Variants in HS6ST3 observed in about 807,000 individuals in gnomAD.
HS6ST3 encodes the protein heparan-sulfate 6-O-sulfotransferase 3.
A neutral mutation model predicts 36.7 loss-of-function variants in HS6ST3; 12 were observed. That is an observed-to-expected ratio of 0.33 (90% CI 0.21 to 0.53). The LOEUF (loss-of-function observed/expected upper bound fraction) is 0.53, where lower values mean the gene tolerates loss of function less well. Ranked by LOEUF, HS6ST3 falls within the 20% of genes least tolerant of loss-of-function variation. The probability of loss-of-function intolerance (pLI) is 0.95; values close to 1 mark genes in which losing one functional copy is unlikely to be tolerated. For synonymous variants in HS6ST3, 240 were observed against 257.5 expected, an observed-to-expected ratio of 0.93 and a Z score of 0.65; for missense variants, 584 against 640.9, an observed-to-expected ratio of 0.91 and a Z score of 0.96.
intron 1 of HS6ST3, among the ~76,000 whole-genome samples, chr13:96,613,053 C>T (rs1273707084): frequency 1.3e-5 from 2 of 152,162 alleles, no homozygotes; most frequent in Non-Finnish European, 2.9e-5. Flanking sequence ...GTCCCTTTAT[C>T]AGAGAGACCA....
At chr13:96,492,383 G>A (rs996795571) in intron 1 of HS6ST3, among the ~76,000 whole-genome samples, 6 of 152,174 alleles carry the variant, frequency 3.9e-5, no homozygotes, top group Non-Finnish European at 5.9e-5. Context: ...TTAGGGATTA[G>A]CTGTAGGGCT....
chr13:96,666,447 C>T (rs566829416), intron 1 of HS6ST3, among the ~76,000 whole-genome samples: 1 of 152,216 alleles, frequency 6.6e-6, no homozygotes, highest in East Asian at 1.9e-4. Context: ...CATTAAAATG[C>T]ATCACATTCA....
At chr13:96,338,385 T>C (rs539934703) in intron 1 of HS6ST3, among the ~76,000 whole-genome samples, 1 of 152,294 alleles carries the variant, frequency 6.6e-6, no homozygotes, top group East Asian at 1.9e-4. Flanking sequence ...CTCACACTTC[T>C]CTCTGCAGAT....
intron 1 of HS6ST3, among the ~76,000 whole-genome samples, chr13:96,092,618 A>G (rs1314701096): frequency 1.3e-5 from 2 of 152,230 alleles, no homozygotes; most frequent in East Asian, 1.9e-4. Flanking sequence ...ACAATTTGGT[A>G]TGAGGAAATA....
intron 1 of HS6ST3, among the ~76,000 whole-genome samples, chr13:96,500,308 A>C (rs936703202): frequency 1.4e-4 from 21 of 152,288 alleles, no homozygotes; most frequent in Middle Eastern, 3.4e-3. Flanking sequence ...AGGATATACC[A>C]TAATTTGTTT....
chr13:96,355,546 A>G (rs1398378225), intron 1 of HS6ST3, among the ~76,000 whole-genome samples: 1 of 152,208 alleles, frequency 6.6e-6, no homozygotes, highest in Non-Finnish European at 1.5e-5. Context: ...TTTACAGTAT[A>G]CTATGGTCTA....
At chr13:96,803,667 AATTT>A (rs1173375802) in intron 1 of HS6ST3, among the ~76,000 whole-genome samples, 4 of 152,268 alleles carry the variant, frequency 2.6e-5, no homozygotes, top group Non-Finnish European at 5.9e-5. Flanking sequence ...ATCTTGCCAG[AATTT>A]ATTTGTTTGC....
chr13:96,227,506 C>T (rs1476367497), intron 1 of HS6ST3, among the ~76,000 whole-genome samples: 3 of 152,304 alleles, frequency 2.0e-5, no homozygotes, highest in African/African-American at 7.2e-5. Flanking sequence ...ACTGTGACAC[C>T]ACTGGCTTTA....
At chr13:96,227,426 G>T (rs142093920) in intron 1 of HS6ST3, among the ~76,000 whole-genome samples, 1 of 152,166 alleles carries the variant, frequency 6.6e-6, no homozygotes. Context: ...TGAGGTAAAG[G>T]CAGCCCTTTA....
chr13:96,801,464 CTTGAT>C (rs1308956301), intron 1 of HS6ST3, among the ~76,000 whole-genome samples: 1 of 152,002 alleles, frequency 6.6e-6, no homozygotes. Context: ...AATTTTCTCA[CTTGAT>C]TTGTTTTCCT....
chr13:96,677,832 G>A (rs2056704400), intron 1 of HS6ST3, among the ~76,000 whole-genome samples: 1 of 152,050 alleles, frequency 6.6e-6, no homozygotes, highest in Non-Finnish European at 1.5e-5. Flanking sequence ...AGCGAATATT[G>A]TACTTGGCTA....
chr13:96,529,576 C>T (rs2056127692), intron 1 of HS6ST3, among the ~76,000 whole-genome samples: 1 of 152,068 alleles, frequency 6.6e-6, no homozygotes, highest in African/African-American at 2.4e-5. Context: ...TTATATTCTT[C>T]ATTATTTGGT....
chr13:96,091,889 G>A (rs534333415), intron 1 of HS6ST3, among the ~76,000 whole-genome samples: 1 of 152,258 alleles, frequency 6.6e-6, no homozygotes, highest in African/African-American at 2.4e-5. Flanking sequence ...AAAACGCCCT[G>A]AAATGGGGAG....
intron 1 of HS6ST3, among the ~76,000 whole-genome samples, chr13:96,405,795 T>A (rs1336594771): frequency 6.6e-6 from 1 of 152,184 alleles, no homozygotes; most frequent in East Asian, 1.9e-4. Context: ...TTCGGAGGAT[T>A]GTTTACATTT....
At chr13:96,185,717 G>A (rs1428744706) in intron 1 of HS6ST3, among the ~76,000 whole-genome samples, 1 of 152,062 alleles carries the variant, frequency 6.6e-6, no homozygotes, top group East Asian at 1.9e-4. Context: ...TTTTTCAGTG[G>A]CAATGGTTCA....
intron 1 of HS6ST3, among the ~76,000 whole-genome samples, chr13:96,182,332 G>T (rs1360285299): frequency 6.6e-6 from 1 of 152,072 alleles, no homozygotes; most frequent in Non-Finnish European, 1.5e-5. Context: ...AAGTATGCTG[G>T]GCCATAAAGG....
chr13:96,189,522 G>T (rs927864571), intron 1 of HS6ST3, among the ~76,000 whole-genome samples: 1 of 151,988 alleles, frequency 6.6e-6, no homozygotes, highest in Non-Finnish European at 1.5e-5. Context: ...TGTCTGTGAG[G>T]TCCTCATCTT....
chr13:96,701,285 T>A (rs1875278418), intron 1 of HS6ST3, among the ~76,000 whole-genome samples: 1 of 152,186 alleles, frequency 6.6e-6, no homozygotes, highest in African/African-American at 2.4e-5. Context: ...TACGTGCAAT[T>A]TGAGACAGGT....
At chr13:96,362,526 A>T (rs1173726807) in intron 1 of HS6ST3, among the ~76,000 whole-genome samples, 1 of 152,190 alleles carries the variant, frequency 6.6e-6, no homozygotes, top group African/African-American at 2.4e-5. Flanking sequence ...GTGATTTGGA[A>T]ATCAGGCTTC....
Sources: allele counts gnomAD v4.1 joint callset (sites outside exome capture counted in the v4.1 genomes callset), GRCh38; gene constraint gnomAD v4.1.1; transcripts MANE v1.5; gene names NCBI Gene and HGNC (gene_info 2026-07-23, HGNC 2026-07-21).